Variants in RALGAPA1 observed in about 807,000 individuals in gnomAD.
RALGAPA1 encodes the protein ral GTPase-activating protein subunit alpha-1.
A neutral mutation model predicts 269.6 loss-of-function variants in RALGAPA1; 52 were observed. The ratio of observed to expected loss-of-function variants is 0.19; its 90% CI spans 0.15 to 0.24. The LOEUF (loss-of-function observed/expected upper bound fraction) is 0.24, where lower values mean the gene tolerates loss of function less well. Ranked by LOEUF, RALGAPA1 falls within the 10% of genes least tolerant of loss-of-function variation. RALGAPA1 has a pLI of 1.00. For missense variants in RALGAPA1, 1,917 were observed against 3,013.9 expected (o/e 0.64, Z 8.52); for synonymous variants, 817 against 1,008.3 (o/e 0.81, Z 3.60).
At chr14:35,604,256 A>G (rs185883795) in intron 36 of RALGAPA1, among the ~76,000 whole-genome samples, 72 of 152,138 alleles carry the variant, frequency 4.7e-4, no homozygotes, top group African/African-American at 1.7e-3. Context: ...GAGTATACAC[A>G]TTGTTTTCAA....
intron 11 of RALGAPA1, 25 bp from the exon 12 acceptor site, chr14:35,738,675 A>G (rs374799149): frequency 1.6e-5 from 26 of 1,587,832 alleles, no homozygotes; most frequent in Middle Eastern, 3.4e-4. Context: ...CAAGTTTTTA[A>G]TATTTCATTA....
intron 16 of RALGAPA1, among the ~76,000 whole-genome samples, chr14:35,714,256 TA>T (rs2068615854): frequency 6.6e-6 from 1 of 152,148 alleles, no homozygotes; most frequent in Admixed American, 6.6e-5. Flanking sequence ...ACTAGCAATA[TA>T]TAAGGACTCC....
At chr14:35,572,314 A>G (rs1462361116) in intron 38 of RALGAPA1, among the ~76,000 whole-genome samples, 1 of 152,200 alleles carries the variant, frequency 6.6e-6, no homozygotes, top group East Asian at 1.9e-4. Context: ...GTACACAGGA[A>G]CTTTCACTCT....
intron 35 of RALGAPA1, among the ~76,000 whole-genome samples, chr14:35,614,127 G>A (rs889731623): frequency 1.3e-5 from 2 of 152,126 alleles, no homozygotes; most frequent in African/African-American, 4.8e-5. Flanking sequence ...TACACCATCG[G>A]TGGGAAGGTA....
intron 41 of RALGAPA1, 87 bp downstream of exon 41, chr14:35,548,417 ATTGT>A (rs2054652250): frequency 2.7e-5 from 23 of 855,234 alleles, no homozygotes; most frequent in Non-Finnish European, 3.9e-5. Context: ...AAGTTTACTT[ATTGT>A]TTAAGTTACA....
chr14:35,659,283 G>T, intron 27 of RALGAPA1, 87 bp from the exon 28 acceptor site: 1 of 926,492 alleles, frequency 1.1e-6, no homozygotes, highest in Non-Finnish European at 1.7e-6. Flanking sequence ...TATTAAAGCA[G>T]TCTTTGTTCT....
intron 16 of RALGAPA1, among the ~76,000 whole-genome samples, chr14:35,718,209 T>G (rs1339423150): frequency 1.3e-5 from 2 of 152,224 alleles, no homozygotes; most frequent in African/African-American, 4.8e-5. Context: ...TCCCCAACAC[T>G]AGAATTGTCA....
intron 1 of RALGAPA1, among the ~76,000 whole-genome samples, chr14:35,777,850 C>A (rs1259615894): frequency 6.6e-6 from 1 of 151,750 alleles, no homozygotes; most frequent in Non-Finnish European, 1.5e-5. Context: ...TGTCCAGCCT[C>A]AAAACATAAT....
At chr14:35,661,654 A>G (rs888708436) in intron 27 of RALGAPA1, among the ~76,000 whole-genome samples, 1 of 152,206 alleles carries the variant, frequency 6.6e-6, no homozygotes, top group Non-Finnish European at 1.5e-5. Flanking sequence ...TCATACATTC[A>G]TTCAATAAGC....
At chr14:35,779,628 T>C (rs1339560135) in intron 1 of RALGAPA1, among the ~76,000 whole-genome samples, 2 of 151,702 alleles carry the variant, frequency 1.3e-5, no homozygotes, top group African/African-American at 4.8e-5. Flanking sequence ...CTAAAATTAA[T>C]GTTTCAAAGA....
chr14:35,766,313 G>A (rs1475908595), intron 4 of RALGAPA1: 1 of 1,019,814 alleles, frequency 9.8e-7, no homozygotes, highest in Admixed American at 1.9e-5. Flanking sequence ...CCACAGCACA[G>A]GATCCTGTTA....
chr14:35,684,863 G>C (rs969697124), intron 20 of RALGAPA1, 66 bp downstream of exon 20: 4 of 1,487,630 alleles, frequency 2.7e-6, no homozygotes, highest in Non-Finnish European at 3.6e-6. Flanking sequence ...TACATAATCC[G>C]TAAGTCAGTC....
At chr14:35,612,346 G>C (rs1291932245) in intron 35 of RALGAPA1, among the ~76,000 whole-genome samples, 2 of 148,638 alleles carry the variant, frequency 1.3e-5, no homozygotes, top group African/African-American at 2.5e-5. Context: ...ACCCCAGCCT[G>C]GGTGACAGAA....
At chr14:35,667,914 T>C (rs1403789696) in intron 26 of RALGAPA1, among the ~76,000 whole-genome samples, 2 of 152,076 alleles carry the variant, frequency 1.3e-5, no homozygotes, top group Non-Finnish European at 2.9e-5. Context: ...TACATGCCCA[T>C]CAACAAATGA....
chr14:35,583,555 A>T (rs558224310), intron 37 of RALGAPA1, among the ~76,000 whole-genome samples: 2 of 152,364 alleles, frequency 1.3e-5, no homozygotes, highest in Non-Finnish European at 2.9e-5. Flanking sequence ...AAGCAATAAT[A>T]ACAGAATTTC....
In RALGAPA1 at chr14:35,605,873, A is replaced by G. The variant is rs2059568795; in HGVS notation, c.6930-164T>C. On this transcript the variant is annotated intron_variant, in intron 35 of 41. Coordinates refer to ENST00000680220, the MANE Select transcript of RALGAPA1 (RefSeq NM_001346249.2). Reference sequence around the variant, plus strand: ...ATAAATGCAATGTAAGTAAAAAATTACTACAAAATTGCCATTAGAATAAAA... The same window carrying G: ...ATAAATGCAATGTAAGTAAAAAATTGCTACAAAATTGCCATTAGAATAAAA... Among the ~76,000 whole-genome samples, 3 of 152,212 alleles carry G rather than the reference A, an allele frequency of 2.0e-5. No homozygotes were observed. The South Asian group carries it at 6.2e-4, about 32-fold the overall frequency.
intron 12 of RALGAPA1, among the ~76,000 whole-genome samples, chr14:35,737,352 A>G (rs1351546838): frequency 6.6e-6 from 1 of 152,174 alleles, no homozygotes; most frequent in Non-Finnish European, 1.5e-5. Context: ...GTGGAGAACA[A>G]TTGGGCGATA....
intron 31 of RALGAPA1, among the ~76,000 whole-genome samples, chr14:35,641,406 G>C (rs974944221): frequency 1.3e-5 from 2 of 151,974 alleles, no homozygotes; most frequent in African/African-American, 4.8e-5. Context: ...TAAAGCTGCA[G>C]GATACAAAAT....
intron 11 of RALGAPA1, among the ~76,000 whole-genome samples, chr14:35,739,710 T>C (rs994447627): frequency 1.3e-5 from 2 of 152,144 alleles, no homozygotes; most frequent in Non-Finnish European, 2.9e-5. Flanking sequence ...CTCTCCCTTA[T>C]ATTTCCACTG....
Sources: allele counts gnomAD v4.1 joint callset (sites outside exome capture counted in the v4.1 genomes callset), GRCh38; gene constraint gnomAD v4.1.1; transcripts MANE v1.5; gene names NCBI Gene and HGNC (gene_info 2026-07-23, HGNC 2026-07-21).